The following USP49 variants were observed in gnomAD, a reference collection of about 807,000 sequenced individuals.
The protein encoded by USP49 is ubiquitin specific peptidase 49.
In USP49, 24 loss-of-function variants were observed where a neutral mutation model predicts 58.6. The observed-to-expected ratio is 0.41, with a 90% confidence interval of 0.30 to 0.58. The LOEUF (loss-of-function observed/expected upper bound fraction) is 0.58. Ranked by LOEUF, USP49 falls within the 20% of genes least tolerant of loss-of-function variation. USP49 has a pLI of 0.30. For missense variants in USP49, 703 were observed against 866.1 expected, an observed-to-expected ratio of 0.81 and a Z score of 2.36; for synonymous variants, 408 against 365.1, an observed-to-expected ratio of 1.12 and a Z score of -1.34.
chr6:41,815,443 G>A (rs1773332944), intron 3 of USP49, among the ~76,000 whole-genome samples: 1 of 151,884 alleles, frequency 6.6e-6, no homozygotes, highest in South Asian at 2.1e-4. Context: ...AGAGTGGGGG[G>A]CAGAGACTGA....
rs567210300 is a variant in USP49 at position 41,792,679 on chromosome 6, A to G, written c.*3854T>C. The G allele has an allele frequency of 2.0e-4, 31 of 152,366 alleles. No homozygotes were observed. The highest frequency in any genetic ancestry group is 6.5e-4 in the African/African-American group (27 of 41,586). The allele number at this position is 152,366 out of a possible 1,614,324, so 9.4% of individuals were successfully genotyped here. A position where few individuals can be genotyped will look rare whatever the true frequency, so the allele number is the denominator to read the frequency against. On this transcript the variant is annotated 3_prime_UTR_variant, in exon 8 of 8. Transcript: ENST00000682992. ...TTGGACATTGTAACATAATTTCAGA[A>G]CTTGCTGGTAAGAATAATTTGCATT...
chr6:41,792,571 T>A lies in USP49; in HGVS notation c.*3962A>T, dbSNP rs551118111. The A allele has an allele frequency of 3.1e-4, 47 of 152,302 alleles. No homozygotes were observed. The highest frequency in any genetic ancestry group is 1.1e-3 in the African/African-American group (46 of 41,562). 9.4% of individuals were successfully genotyped at this position (152,302 alleles called of 1,614,324 possible). ...AAGGCCCAAGTCAATGTATGGAACATGACAAGGGAAGTGAAAAACAATGGA... is the reference window on the plus strand; with the variant it reads ...AAGGCCCAAGTCAATGTATGGAACAAGACAAGGGAAGTGAAAAACAATGGA... On this transcript the variant is annotated 3_prime_UTR_variant, in exon 8 of 8. Coordinates refer to ENST00000682992, the MANE Select transcript of USP49 (RefSeq NM_001286554.2).
intron 5 of USP49, among the ~76,000 whole-genome samples, chr6:41,802,433 TTTA>T (rs1442110024): frequency 0.34 from 17,072 of 50,618 alleles, 1,946 homozygotes; most frequent in Admixed American, 0.41. Flanking sequence ...TTTTATTTTA[TTTA>T]TTTATTTATT....
intron 3 of USP49, among the ~76,000 whole-genome samples, chr6:41,837,154 C>T (rs1323126194): frequency 2.0e-5 from 3 of 152,092 alleles, no homozygotes; most frequent in African/African-American, 7.2e-5. Flanking sequence ...ATAGCCAACG[C>T]AATCATAAGC....
intron 1 of USP49, among the ~76,000 whole-genome samples, chr6:41,895,054 C>A (rs1774873555): frequency 6.7e-6 from 1 of 148,188 alleles, no homozygotes; most frequent in Non-Finnish European, 1.5e-5. Context: ...GCCCCCAGCC[C>A]GCCGGCGCCG....
At position 41,802,465 on chromosome 6, in the gene USP49, TTTA is replaced by T. The variant is rs1462554999; in HGVS notation, c.1561+1338_1561+1340del. Among the ~76,000 whole-genome samples the T allele has an allele frequency of 2.4e-3, 187 of 76,372 alleles. 1 individual carries two copies. The highest frequency in any genetic ancestry group is 8.0e-3 in the African/African-American group (136 of 16,948). The allele number at this position is 76,372 out of a possible 152,430, so 50.1% of individuals were successfully genotyped here. On this transcript the variant is annotated intron_variant, in intron 5 of 7. Transcript: ENST00000682992. ...ATTTATTTATTTATTTATTTATTTA[TTTA>T]TTTTTTATTTATTTTTTTTTTTTGA...
At chr6:41,878,014 C>T (rs940730651) in intron 2 of USP49, among the ~76,000 whole-genome samples, 2 of 151,798 alleles carry the variant, frequency 1.3e-5, no homozygotes, top group Admixed American at 1.3e-4. Context: ...GCGACCCTCC[C>T]ACCTCAGCCT....
At chr6:41,845,645 C>T (rs1325497995) in intron 3 of USP49, among the ~76,000 whole-genome samples, 1 of 152,094 alleles carries the variant, frequency 6.6e-6, no homozygotes, top group Non-Finnish European at 1.5e-5. Context: ...TATGATCACA[C>T]CTGAGAATAG....
At chr6:41,812,673 C>T (rs1437887692) in intron 3 of USP49, among the ~76,000 whole-genome samples, 3 of 151,910 alleles carry the variant, frequency 2.0e-5, no homozygotes, top group African/African-American at 2.4e-5. Context: ...AGTCTCTGGG[C>T]GACAGAGCGA....
intron 3 of USP49, among the ~76,000 whole-genome samples, chr6:41,835,924 A>T (rs547807510): frequency 6.6e-6 from 1 of 152,016 alleles, no homozygotes; most frequent in Non-Finnish European, 1.5e-5. Context: ...TAAAAAATAA[A>T]AAAATTAGCT....
Position 41,805,621 on chromosome 6 carries a change from C to A in USP49, c.1356+7G>T. 1 of 1,608,202 alleles carries A rather than the reference C, an allele frequency of 6.2e-7. No individual in the cohort carries two copies. The highest frequency in any genetic ancestry group is 1.7e-5 in the Admixed American group (1 of 59,684). On this transcript the variant is annotated splice_region_variant and intron_variant, in intron 4 of 7. Coordinates refer to ENST00000682992, the MANE Select transcript of USP49 (RefSeq NM_001286554.2). Reference sequence around the variant, plus strand: ...GCCTCTCATTGTCATGGTAGGCACACACATACCTGACTGAGCAGCTGCCCA... The same window carrying A: ...GCCTCTCATTGTCATGGTAGGCACAAACATACCTGACTGAGCAGCTGCCCA...
chr6:41,803,866 C>T lies in USP49; in HGVS notation c.1501G>A (p.Ala501Thr), dbSNP rs1366714862. 9.9e-6 allele frequency: 16 copies of T among 1,614,090 alleles called. No individual in the cohort carries two copies. Among genetic ancestry groups the T allele is most frequent in the Non-Finnish European group, 1.4e-5 (16 of 1,180,042 alleles). ...AGGGCCTCTGTCTCTGTGAATTTGG[C>T]CAGCATCTCAGTGAGCAAGCACTCT... is the stretch of plus-strand genomic sequence containing the variant. ...QTECLLTEML[A>T]KFTETEALEG... is the part of the protein sequence containing the mutation. Residue 501 changes from alanine (A) to threonine (T), a missense_variant, in exon 5 of 8, where the codon GCC (alanine) becomes ACC (threonine). Around this residue, in one of 6 missense-constraint regions of USP49, gnomAD observed 158 missense variants for 241.2 expected, o/e 0.66. Coordinates refer to ENST00000682992, the MANE Select transcript of USP49 (RefSeq NM_001286554.2). This position sits in a 1 kb window ranked among gnomAD's most constrained non-coding sequence, Gnocchi z 4.1.
At chr6:41,844,316 T>C (rs1773882707) in intron 3 of USP49, among the ~76,000 whole-genome samples, 1 of 152,080 alleles carries the variant, frequency 6.6e-6, no homozygotes. Context: ...GCAGTTTCTT[T>C]CTTTTTTTTT....
intron 3 of USP49, among the ~76,000 whole-genome samples, chr6:41,863,067 G>A (rs1292685567): frequency 1.3e-5 from 2 of 151,952 alleles, no homozygotes; most frequent in African/African-American, 2.4e-5. Context: ...GTGAGCCACC[G>A]CACCTGGCCT....
At chr6:41,842,001 G>A (rs765243092) in intron 3 of USP49, among the ~76,000 whole-genome samples, 1 of 152,110 alleles carries the variant, frequency 6.6e-6, no homozygotes, top group Admixed American at 6.5e-5. Flanking sequence ...AGGTTGCCAT[G>A]AGCTGAGATT....
intron 3 of USP49, among the ~76,000 whole-genome samples, chr6:41,815,338 G>A (rs369110323): frequency 2.0e-4 from 30 of 151,830 alleles, no homozygotes; most frequent in African/African-American, 4.8e-4. Flanking sequence ...GGAGAATGGC[G>A]TGAACCTGGG....
chr6:41,834,139 A>G (rs529402710), intron 3 of USP49, among the ~76,000 whole-genome samples: 2 of 152,322 alleles, frequency 1.3e-5, no homozygotes, highest in Non-Finnish European at 2.9e-5. Context: ...CTTCTGCAGT[A>G]TGGGGCATTC....
At position 41,790,956 on chromosome 6, in the gene USP49, T is replaced by C. The variant is rs1255294913; in HGVS notation, c.*5577A>G. The stretch of plus-strand genomic sequence containing the variant: ...GACCAAGGAGGAAACTTTTAAGCCA[T>C]AGTATAGATGCTAACCCCCATTTAG... On this transcript the variant is annotated 3_prime_UTR_variant, in exon 8 of 8. Coordinates refer to ENST00000682992, the MANE Select transcript of USP49 (RefSeq NM_001286554.2). The C allele has an allele frequency of 6.6e-6, 1 of 152,164 alleles. No homozygotes were observed. Among genetic ancestry groups the C allele is most frequent in the Non-Finnish European group, 1.5e-5 (1 of 68,030 alleles). The allele number at this position is 152,164 out of a possible 1,614,324, so 9.4% of individuals were successfully genotyped here. A position where few individuals can be genotyped will look rare whatever the true frequency, so the allele number is the denominator to read the frequency against.
intron 3 of USP49, among the ~76,000 whole-genome samples, chr6:41,823,632 A>G (rs920367673): frequency 6.6e-5 from 10 of 152,142 alleles, no homozygotes; most frequent in African/African-American, 2.2e-4. Context: ...CCAAGGTACC[A>G]AGGTAATTTC....
Sources: gnomAD v4.1 joint callset for allele counts (sites outside exome capture counted in the v4.1 genomes callset) on GRCh38, gnomAD v4.1.1 for gene constraint, gnomAD v4.1.1 regional missense constraint, Gnocchi (gnomAD v3.1) non-coding constraint, MANE v1.5 for transcripts, NCBI Gene and HGNC (gene_info 2026-07-23, HGNC 2026-07-21) for gene names.